HNRNPA2B1: variants seen among roughly 807,000 people sequenced by gnomAD.
The protein encoded by HNRNPA2B1 is heterogeneous nuclear ribonucleoprotein A2/B1, also known as heterogeneous nuclear ribonucleoproteins A2/B1.
HNRNPA2B1 carries 3 observed loss-of-function variants against 46.3 expected under a neutral mutation model. That is an observed-to-expected ratio of 0.06 (90% CI 0.03 to 0.17). HNRNPA2B1 has a LOEUF of 0.17. HNRNPA2B1 is among the 10% of genes least tolerant of loss of function. The probability of loss-of-function intolerance (pLI) is 1.00; values close to 1 mark genes in which losing one functional copy is unlikely to be tolerated. For missense variants in HNRNPA2B1, 221 were observed against 418.9 expected (o/e 0.53, Z 4.12); for synonymous variants, 225 against 133.8 (o/e 1.68, Z -4.70).
At chr7:26,199,356 A>C (rs1562724859) in intron 1 of HNRNPA2B1, 1 of 152,426 alleles carries the variant, frequency 6.6e-6, no homozygotes, top group Admixed American at 6.5e-5. Flanking sequence ...TGAGAAAAGT[A>C]ACAAAGTTCA....
At chr7:26,192,739 C>G (rs117382488) in intron 9 of HNRNPA2B1, among the ~76,000 whole-genome samples, 162 bp from the exon 10 acceptor site, 2 of 152,176 alleles carry the variant, frequency 1.3e-5, no homozygotes, top group Non-Finnish European at 2.9e-5. Context: ...ATAAATTACT[C>G]GGGTTCATAG....
chr7:26,190,228 T>C lies in HNRNPA2B1; in HGVS notation c.*2132A>G, dbSNP rs1782743788. 6.6e-6 allele frequency: 1 copy of C among 152,650 alleles called. No homozygotes were observed. Among genetic ancestry groups the C allele is most frequent in the East Asian group, 1.9e-4 (1 of 5,202 alleles). The allele number at this position is 152,650 out of a possible 1,614,324, so 9.5% of individuals were successfully genotyped here. A position where few individuals can be genotyped will look rare whatever the true frequency, so the allele number is the denominator to read the frequency against. The stretch of plus-strand genomic sequence containing the variant: ...TTAAAACATGATACATTTATCTCTC[T>C]AGCCAATTTGATGTTACTGTTTTAC... On this transcript the variant is annotated 3_prime_UTR_variant, in exon 11 of 11. Coordinates refer to ENST00000618183, the MANE Select transcript of HNRNPA2B1 (RefSeq NM_002137.4).
intron 1 of HNRNPA2B1, 69 bp downstream of exon 1, chr7:26,200,503 G>A (rs1042090526): frequency 1.3e-6 from 2 of 1,537,312 alleles, no homozygotes; most frequent in Non-Finnish European, 1.8e-6. Flanking sequence ...GCGGCTGGCC[G>A]ACTTCCACTG....
Position 26,196,921 on chromosome 7 carries a change from C to T in HNRNPA2B1, c.361G>A (p.Glu121Lys). Reference protein sequence around the residue: ...TEEHHLRDYFEEYGKIDTIEI... With the variant: ...TEEHHLRDYFKEYGKIDTIEI... ...ATGGTATCAATTTTTCCATATTCCT[C>T]AAAGTAATCTCTAAGGTGATGTTCC... The change falls in exon 4 of 11, where the codon GAG (glutamate) becomes AAG (lysine). Residue 121 changes from glutamate (E) to lysine (K), a missense_variant. Glu to Lys is a moderately conservative substitution (Grantham distance 56). This residue lies in a region of HNRNPA2B1 where 78 missense variants were observed against 218.5 expected (regional missense o/e 0.36). Transcript: ENST00000618183. 6.2e-7 allele frequency: 1 copy of T among 1,613,474 alleles called. No individual in the cohort carries two copies. The highest frequency in any genetic ancestry group is 8.5e-7 in the Non-Finnish European group (1 of 1,179,450).
rs1465279377 is a variant in HNRNPA2B1 at position 26,193,378 on chromosome 7, T to TA, written c.842-6dup. 2.5e-6 allele frequency: 4 copies of TA among 1,609,376 alleles called. No homozygotes were observed. In the South Asian group the frequency reaches 3.3e-5, roughly 13 times the overall value. On this transcript the variant is annotated splice_region_variant and splice_polypyrimidine_tract_variant and intron_variant, in intron 8 of 10. Transcript: ENST00000618183. ...AATTTCCACTTCCATAATTTCCTATTAAAAAATTGGAATACTCAGAACAAT... is the reference window on the plus strand; with the variant it reads ...AATTTCCACTTCCATAATTTCCTATTAAAAAAATTGGAATACTCAGAACAAT...
chr7:26,197,221 A>G (rs1783745732), intron 3 of HNRNPA2B1, 94 bp downstream of exon 3: 2 of 1,426,172 alleles, frequency 1.4e-6, no homozygotes, highest in South Asian at 1.4e-5. Flanking sequence ...AAGAGAAAAA[A>G]TCTTGAGTTA....
Position 26,196,440 on chromosome 7 carries a change from A to T in HNRNPA2B1, c.619T>A (p.Phe207Ile), listed in dbSNP as rs1376121173. 1 of 1,614,180 alleles carries T rather than the reference A, an allele frequency of 6.2e-7. No homozygotes were observed. Among genetic ancestry groups the T allele is most frequent in the Non-Finnish European group, 8.5e-7 (1 of 1,180,026 alleles). ...AAGTTACTTCCTGGTCCTGGTCCGA[A>T]ATTTCCACCGCCACCACGTGAATCC... ...FGDSRGGGGN[F>I]GPGPGSNFRG... Residue 207 changes from phenylalanine to isoleucine, a missense_variant, in exon 6 of 11, where the codon TTC becomes ATC. Coordinates refer to ENST00000618183, the MANE Select transcript of HNRNPA2B1 (RefSeq NM_002137.4).
In HNRNPA2B1 at chr7:26,194,697, A is replaced by G. The variant is rs1783314608; in HGVS notation, c.722-1003T>C. Among the ~76,000 whole-genome samples, 3 of 151,856 alleles carry G rather than the reference A, an allele frequency of 2.0e-5. No individual in the cohort carries two copies. The South Asian group carries it at 6.2e-4, about 32-fold the overall frequency. ...AACAAAGCCAGACCCCATTTCAAAG[A>G]AAAAAAACAGACCCAACACTCCACA... is the stretch of plus-strand genomic sequence containing the variant. On this transcript the variant is annotated intron_variant, in intron 7 of 10. Coordinates refer to ENST00000618183, the MANE Select transcript of HNRNPA2B1 (RefSeq NM_002137.4).
chr7:26,190,759 A>C lies in HNRNPA2B1; in HGVS notation c.*1601T>G, dbSNP rs1583955997. The C allele has an allele frequency of 6.6e-6, 1 of 152,228 alleles. No homozygotes were observed. The allele number at this position is 152,228 out of a possible 1,614,324, so 9.4% of individuals were successfully genotyped here. A position where few individuals can be genotyped will look rare whatever the true frequency, so the allele number is the denominator to read the frequency against. Reference sequence around the variant, plus strand: ...TACCAGGCTTCATAATGCAGACAAGACACTTCACTCAAGTATGAACTACTA... The same window carrying C: ...TACCAGGCTTCATAATGCAGACAAGCCACTTCACTCAAGTATGAACTACTA... On this transcript the variant is annotated 3_prime_UTR_variant, in exon 11 of 11. Coordinates refer to ENST00000618183, the MANE Select transcript of HNRNPA2B1 (RefSeq NM_002137.4).
At chr7:26,196,033 T>C in intron 6 of HNRNPA2B1, 124 bp from the exon 7 acceptor site, 2 of 1,306,634 alleles carry the variant, frequency 1.5e-6, no homozygotes, top group South Asian at 1.7e-5. Context: ...GACACACCAG[T>C]GCTACCAGTT....
chr7:26,194,373 G>A (rs1464352997), intron 7 of HNRNPA2B1, among the ~76,000 whole-genome samples: 1 of 151,972 alleles, frequency 6.6e-6, no homozygotes, highest in Non-Finnish European at 1.5e-5. Flanking sequence ...TCCAGCCTGG[G>A]CGACAGAGAG....
In HNRNPA2B1 at chr7:26,190,998, T is replaced by C. The variant is rs1782850692; in HGVS notation, c.*1362A>G. 1 of 152,610 alleles carries C rather than the reference T, an allele frequency of 6.6e-6. No homozygotes were observed. The highest frequency in any genetic ancestry group is 1.9e-4 in the East Asian group (1 of 5,198). The allele number at this position is 152,610 out of a possible 1,614,324, so 9.5% of individuals were successfully genotyped here. On this transcript the variant is annotated 3_prime_UTR_variant, in exon 11 of 11. Transcript: ENST00000618183. ...GCAGCCTAACTTTTACCTACCATTTTACTACCAACACCACTGAAGGAACCA... is the reference window on the plus strand; with the variant it reads ...GCAGCCTAACTTTTACCTACCATTTCACTACCAACACCACTGAAGGAACCA...
intron 7 of HNRNPA2B1, 170 bp downstream of exon 7, chr7:26,195,677 A>C (rs536850580): frequency 3.1e-6 from 2 of 654,884 alleles, no homozygotes; most frequent in Non-Finnish European, 5.1e-6. Flanking sequence ...TCCTTAGGCT[A>C]TAACAGCTAA....
rs1298640116 is a variant in HNRNPA2B1 at position 26,191,814 on chromosome 7, A to G, written c.*546T>C. On this transcript the variant is annotated 3_prime_UTR_variant, in exon 11 of 11. Coordinates refer to ENST00000618183, the MANE Select transcript of HNRNPA2B1 (RefSeq NM_002137.4). ...AATTATACTACCCACTCCTTAACTT[A>G]TTTAAAATAAAAAGTCTATAATTAC... The G allele has an allele frequency of 6.6e-6, 1 of 152,634 alleles. No individual in the cohort carries two copies. The highest frequency in any genetic ancestry group is 1.5e-5 in the Non-Finnish European group (1 of 68,028). The allele number at this position is 152,634 out of a possible 1,614,324, so 9.5% of individuals were successfully genotyped here. A position where few individuals can be genotyped will look rare whatever the true frequency, so the allele number is the denominator to read the frequency against.
chr7:26,200,080 CTAAGAAAA>C (rs1247281831), intron 1 of HNRNPA2B1: 1 of 172,904 alleles, frequency 5.8e-6, no homozygotes, highest in African/African-American at 2.4e-5. Context: ...AGAAAGCACA[CTAAGAAAA>C]TAAAAGAGTT....
intron 9 of HNRNPA2B1, 117 bp downstream of exon 9, chr7:26,193,134 C>CG: frequency 1.0e-6 from 1 of 975,682 alleles, no homozygotes; most frequent in Non-Finnish European, 1.5e-6. Context: ...TCACTAAGAC[C>CG]GTACATGGAG....
At position 26,191,739 on chromosome 7, in the gene HNRNPA2B1, G is replaced by C. The variant is rs554620746; in HGVS notation, c.*621C>G. 1 of 152,286 alleles carries C rather than the reference G, an allele frequency of 6.6e-6. No homozygotes were observed. The highest frequency in any genetic ancestry group is 1.5e-5 in the Non-Finnish European group (1 of 68,016). 9.4% of individuals were successfully genotyped at this position (152,286 alleles called of 1,614,324 possible). Reference sequence around the variant, plus strand: ...AATTGCAGACAACACACTTACATCTGACCAGCATTTATCTTATACAAATAT... The same window carrying C: ...AATTGCAGACAACACACTTACATCTCACCAGCATTTATCTTATACAAATAT... On this transcript the variant is annotated 3_prime_UTR_variant, in exon 11 of 11. Coordinates refer to ENST00000618183, the MANE Select transcript of HNRNPA2B1 (RefSeq NM_002137.4).
rs1254723391 is a variant in HNRNPA2B1 at position 26,195,768 on chromosome 7, CAAAATA to C, written c.721+73_721+78del. The C allele has an allele frequency of 1.7e-5, 25 of 1,483,544 alleles. No homozygotes were observed. In the East Asian group the frequency reaches 6.1e-4, roughly 36 times the overall value. The allele number at this position is 1,483,544 out of a possible 1,614,324, so 91.9% of individuals were successfully genotyped here. A position where few individuals can be genotyped will look rare whatever the true frequency, so the allele number is the denominator to read the frequency against. ...CACTAATATAAAATGTTTAAAAACT[CAAAATA>C]TAAATGAAGTAAATATACGATATAG... is the stretch of plus-strand genomic sequence containing the variant. On this transcript the variant is annotated intron_variant, in intron 7 of 10. Transcript: ENST00000618183.
intron 1 of HNRNPA2B1, chr7:26,199,763 AAGAC>A (rs1274773426): frequency 1.3e-5 from 2 of 152,216 alleles, no homozygotes; most frequent in African/African-American, 2.4e-5. Flanking sequence ...AAGGAAAAAA[AAGAC>A]AGGAAAAACA....
Sources: gnomAD v4.1 joint callset for allele counts (sites outside exome capture counted in the v4.1 genomes callset) on GRCh38, gnomAD v4.1.1 for gene constraint, gnomAD v4.1.1 regional missense constraint, MANE v1.5 for transcripts, NCBI Gene and HGNC (gene_info 2026-07-23, HGNC 2026-07-21) for gene names.